The following DLX6 variants were observed in gnomAD, a reference collection of about 807,000 sequenced individuals.
DLX6 encodes the protein homeobox protein DLX-6.
Under a neutral mutation model 33.5 loss-of-function variants are expected in DLX6, and 4 were observed. The ratio of observed to expected loss-of-function variants is 0.12; its 90% CI spans 0.06 to 0.27. The LOEUF is 0.27. Ranked by LOEUF, DLX6 falls within the 10% of genes least tolerant of loss-of-function variation. DLX6 has a pLI of 1.00. For missense variants in DLX6, 382 were observed against 393.3 expected (o/e 0.97, Z 0.24); for synonymous variants, 184 against 164.8 (o/e 1.12, Z -0.89).
In DLX6 at chr7:97,007,722, A is replaced by T; in HGVS notation, c.521A>T (p.Tyr174Phe). 1 of 1,612,694 alleles carries T rather than the reference A, an allele frequency of 6.2e-7. No homozygotes were observed. Among genetic ancestry groups the T allele is most frequent in the Non-Finnish European group, 8.5e-7 (1 of 1,179,350 alleles). ...AAGATTCGGAAGCCTCGGACCATTT[A>T]TTCCAGCCTGCAGCTCCAGGCTTTA... ...GKKIRKPRTI[Y>F]SSLQLQALNH... The change falls in exon 2 of 3, where the codon TAT (tyrosine) becomes TTT (phenylalanine). Residue 174 changes from tyrosine (Y) to phenylalanine (F), a missense_variant. This residue lies in a region of DLX6 where 25 missense variants were observed against 51.9 expected (regional missense o/e 0.48). Coordinates refer to ENST00000518156, the MANE Select transcript of DLX6 (RefSeq NM_005222.4).
chr7:97,010,193 C>CCCCT lies in DLX6; in HGVS notation c.*147_*148insCCTC, dbSNP rs1554340930. On this transcript the variant is annotated 3_prime_UTR_variant, in exon 3 of 3. Coordinates refer to ENST00000518156, the MANE Select transcript of DLX6 (RefSeq NM_005222.4). ...AAGCCGACTAGGCTCATTCTCTCTC[C>CCCCT]CTCTCTCTCTCTCTCCCTCTCCTTT... 3 of 733,884 alleles carry CCCCT rather than the reference C, an allele frequency of 4.1e-6. No homozygotes were observed. Among genetic ancestry groups the CCCCT allele is most frequent in the African/African-American group, 3.6e-5 (2 of 55,362 alleles). 45.5% of individuals were successfully genotyped at this position (733,884 alleles called of 1,614,324 possible).
chr7:97,010,005 C>T lies in DLX6; in HGVS notation c.840C>T (p.Ser280=). 6.2e-7 allele frequency: 1 copy of T among 1,606,862 alleles called. No individual in the cohort carries two copies. Among genetic ancestry groups the T allele is most frequent in the African/African-American group, 1.3e-5 (1 of 74,848 alleles). The part of the protein sequence containing the change: ...SYMPGYSHWY[S]SPHQDTMQRP... Reference sequence around the variant, plus strand: ...TGCCTGGCTATTCTCACTGGTACTCCTCTCCACACCAGGACACGATGCAGA... The same window carrying T: ...TGCCTGGCTATTCTCACTGGTACTCTTCTCCACACCAGGACACGATGCAGA... The change falls in exon 3 of 3, where the codon TCC becomes TCT. Residue 280 remains serine (S), a synonymous_variant. Transcript: ENST00000518156.
At chr7:97,006,687 G>C (rs1247785959) in intron 1 of DLX6, 2 of 168,238 alleles carry the variant, frequency 1.2e-5, no homozygotes, top group African/African-American at 4.8e-5. Context: ...CGACGAGTTA[G>C]TCCACACTGC....
chr7:97,009,933 C>T lies in DLX6; in HGVS notation c.768C>T (p.Asp256=), dbSNP rs769967866. Residue 256 remains aspartate (D), a synonymous_variant, in exon 3 of 3, where the codon GAC becomes GAT. Coordinates refer to ENST00000518156, the MANE Select transcript of DLX6 (RefSeq NM_005222.4). ...CGCCAGCGCTGCCTCCAGTCTGGGA[C>T]GTTTCTGCCTCGGCCAAGGGTGTCA... The part of the protein sequence containing the change: ...PRSPALPPVW[D]VSASAKGVSM... 19 of 1,613,868 alleles carry T rather than the reference C, an allele frequency of 1.2e-5. No homozygotes were observed. The highest frequency in any genetic ancestry group is 5.0e-5 in the Admixed American group (3 of 60,010).
Position 97,006,242 on chromosome 7 carries a change from C to T in DLX6, c.265C>T (p.His89Tyr). ...AAAAAGSHHHHHHQHHHHGSP... is the reference protein window; with the variant it reads ...AAAAAGSHHHYHHQHHHHGSP... ...GGCAGCGGCCGGCTCGCACCACCAC[C>T]ACCACCACCAGCACCACCACCACGG... Residue 89 changes from histidine to tyrosine, a missense_variant, in exon 1 of 3, where the codon CAC (histidine) becomes TAC (tyrosine). His to Tyr is a moderately conservative substitution (Grantham distance 83). This residue lies in a region of DLX6 where 257 missense variants were observed against 206.9 expected (regional missense o/e 1.24). Coordinates refer to ENST00000518156, the MANE Select transcript of DLX6 (RefSeq NM_005222.4). 6.6e-7 allele frequency: 1 copy of T among 1,520,910 alleles called. No homozygotes were observed. 94.2% of individuals were successfully genotyped at this position (1,520,910 alleles called of 1,614,324 possible).
chr7:97,006,025 G>A lies in DLX6; in HGVS notation c.48G>A (p.Ser16=), dbSNP rs754850025. ...CTGACGGCTTGGAAGGCCAGGACTC[G>A]TCCAAATCCGCCTTCATGGAGTTCG... is the stretch of plus-strand genomic sequence containing the variant. ...TMADGLEGQD[S]SKSAFMEFGQ... is the part of the protein sequence containing the mutation. Residue 16 remains serine (S), a synonymous_variant, in exon 1 of 3, where the codon TCG becomes TCA. Coordinates refer to ENST00000518156, the MANE Select transcript of DLX6 (RefSeq NM_005222.4). 1.3e-5 allele frequency: 20 copies of A among 1,596,694 alleles called. No individual in the cohort carries two copies. The highest frequency in any genetic ancestry group is 1.5e-5 in the Non-Finnish European group (18 of 1,172,386).
chr7:97,007,172 T>G, intron 1 of DLX6: 1 of 299,376 alleles, frequency 3.3e-6, no homozygotes, highest in Non-Finnish European at 6.2e-6. Flanking sequence ...GGAGAGTCAT[T>G]TCAAAACATG....
rs1486780792 is a variant in DLX6, at chr7:97,009,984, T to G, written c.819T>G (p.Pro273=). 6.2e-7 allele frequency: 1 copy of G among 1,611,916 alleles called. No individual in the cohort carries two copies. The highest frequency in any genetic ancestry group is 8.5e-7 in the Non-Finnish European group (1 of 1,178,984). The part of the protein sequence containing the change: ...GVSMPPNSYM[P]GYSHWYSSPH... ...GTATGCCCCCCAACAGCTACATGCC[T>G]GGCTATTCTCACTGGTACTCCTCTC... The change falls in exon 3 of 3, where the codon CCT becomes CCG. Residue 273 remains proline (P), a synonymous_variant. Transcript: ENST00000518156.
Position 97,006,050 on chromosome 7 carries a change from G to GGGCAGCAGCAGCAGC in DLX6, c.74_88dup (p.Gln29_Gln30insArgGlnGlnGlnGln), listed in dbSNP as rs1789707664. The GGGCAGCAGCAGCAGC allele has an allele frequency of 6.3e-7, 1 of 1,587,232 alleles. No homozygotes were observed. Among genetic ancestry groups the GGGCAGCAGCAGCAGC allele is most frequent in the South Asian group, 1.1e-5 (1 of 87,232 alleles). ...GTCCAAATCCGCCTTCATGGAGTTC[G>GGGCAGCAGCAGCAGC]GGCAGCAGCAGCAGCAGCAGCAGCA... On this transcript the variant is annotated inframe_insertion, in exon 1 of 3. Coordinates refer to ENST00000518156, the MANE Select transcript of DLX6 (RefSeq NM_005222.4).
rs368469391 is a variant in DLX6, at chr7:97,010,076, G to A, written c.*29G>A. The A allele has an allele frequency of 7.1e-5, 111 of 1,562,378 alleles. 1 individual carries two copies. Among genetic ancestry groups the A allele is most frequent in the Non-Finnish European group, 9.2e-5 (106 of 1,152,440 alleles). ...GCCCAAGGGAACACCCTAGGGAAAC[G>A]TCTGAACAAGGAAAAGAGGATCCGG... On this transcript the variant is annotated 3_prime_UTR_variant, in exon 3 of 3. Transcript: ENST00000518156.
rs941957962 is a variant in DLX6 at position 97,010,200 on chromosome 7, C to A, written c.*153C>A. On this transcript the variant is annotated 3_prime_UTR_variant, in exon 3 of 3. Transcript: ENST00000518156. ...CTAGGCTCATTCTCTCTCCCTCTCT[C>A]TCTCTCTCCCTCTCCTTTCTTTTTA... is the stretch of plus-strand genomic sequence containing the variant. 15 of 734,244 alleles carry A rather than the reference C, an allele frequency of 2.0e-5. No homozygotes were observed. In the African/African-American group the frequency reaches 2.7e-4, roughly 13 times the overall value. The allele number at this position is 734,244 out of a possible 1,614,324, so 45.5% of individuals were successfully genotyped here.
chr7:97,010,071 G>T lies in DLX6; in HGVS notation c.*24G>T. On this transcript the variant is annotated 3_prime_UTR_variant, in exon 3 of 3. Coordinates refer to ENST00000518156, the MANE Select transcript of DLX6 (RefSeq NM_005222.4). ...GAGTTGCCCAAGGGAACACCCTAGG[G>T]AAACGTCTGAACAAGGAAAAGAGGA... 1 of 1,566,610 alleles carries T rather than the reference G, an allele frequency of 6.4e-7. No homozygotes were observed. Among genetic ancestry groups the T allele is most frequent in the Middle Eastern group, 1.7e-4 (1 of 6,002 alleles).
chr7:97,007,865 G>C (rs774556434), intron 2 of DLX6, 34 bp downstream of exon 2: 5 of 1,527,560 alleles, frequency 3.3e-6, no homozygotes, highest in Non-Finnish European at 3.5e-6. Context: ...TCCCTGAAAT[G>C]CTGGTACCGC....
In DLX6 at chr7:97,010,068, A is replaced by AG. The variant is rs1405211480; in HGVS notation, c.*24dup. On this transcript the variant is annotated 3_prime_UTR_variant, in exon 3 of 3. Transcript: ENST00000518156. ...TGTGAGTTGCCCAAGGGAACACCCT[A>AG]GGGAAACGTCTGAACAAGGAAAAGA... The AG allele has an allele frequency of 6.4e-7, 1 of 1,570,762 alleles. No individual in the cohort carries two copies. The highest frequency in any genetic ancestry group is 1.9e-5 in the Admixed American group (1 of 53,070).
At position 97,009,925 on chromosome 7, in the gene DLX6, G is replaced by C. The variant is rs567341724; in HGVS notation, c.760G>C (p.Val254Leu). The change falls in exon 3 of 3, where the codon GTC becomes CTC. Residue 254 changes from valine (V) to leucine (L), a missense_variant. Transcript: ENST00000518156. ...LSPRSPALPPVWDVSASAKGV... is the reference protein window; with the variant it reads ...LSPRSPALPPLWDVSASAKGV... Reference sequence around the variant, plus strand: ...GCCACGCTCGCCAGCGCTGCCTCCAGTCTGGGACGTTTCTGCCTCGGCCAA... The same window carrying C: ...GCCACGCTCGCCAGCGCTGCCTCCACTCTGGGACGTTTCTGCCTCGGCCAA... The C allele has an allele frequency of 1.9e-6, 3 of 1,613,970 alleles. No individual in the cohort carries two copies. The highest frequency in any genetic ancestry group is 1.7e-5 in the Admixed American group (1 of 60,022).
Position 97,009,958 on chromosome 7 carries a change from A to G in DLX6, c.793A>G (p.Ser265Gly). 2 of 1,613,782 alleles carry G rather than the reference A, an allele frequency of 1.2e-6. No homozygotes were observed. Among genetic ancestry groups the G allele is most frequent in the Non-Finnish European group, 1.7e-6 (2 of 1,179,784 alleles). Residue 265 changes from serine to glycine, a missense_variant, in exon 3 of 3, where the codon AGT becomes GGT. Physicochemically the swap from Ser to Gly is moderately conservative, Grantham distance 56 (BLOSUM62 0). Transcript: ENST00000518156. The part of the protein sequence containing the change: ...WDVSASAKGV[S>G]MPPNSYMPGY... ...CGTTTCTGCCTCGGCCAAGGGTGTC[A>G]GTATGCCCCCCAACAGCTACATGCC...
chr7:97,007,892 G>GGC, intron 2 of DLX6, 61 bp downstream of exon 2: 1 of 1,459,300 alleles, frequency 6.9e-7, no homozygotes, highest in African/African-American at 1.4e-5. Flanking sequence ...ATCGGGCAGG[G>GGC]AGCACATCAG....
In DLX6 at chr7:97,006,108, A is replaced by AGCCGCCGCCGCC. The variant is rs559903070; in HGVS notation, c.149_160dup (p.Pro50_Pro53dup). The AGCCGCCGCCGCC allele has an allele frequency of 1.1e-4, 159 of 1,502,076 alleles. 1 individual carries two copies. The highest frequency in any genetic ancestry group is 1.7e-4 in the Middle Eastern group (1 of 5,780). The allele number at this position is 1,502,076 out of a possible 1,614,324, so 93.0% of individuals were successfully genotyped here. On this transcript the variant is annotated inframe_insertion, in exon 1 of 3. Coordinates refer to ENST00000518156, the MANE Select transcript of DLX6 (RefSeq NM_005222.4). ...CAGCAGCAGCAGCAGCAACAGCAACAGCCGCCGCCGCCGCCGCCGCCGCCG... is the reference window on the plus strand; with the variant it reads ...CAGCAGCAGCAGCAGCAACAGCAACAGCCGCCGCCGCCGCCGCCGCCGCCGCCGCCGCCGCCG...
chr7:97,006,145 C>G lies in DLX6; in HGVS notation c.168C>G (p.His56Gln), dbSNP rs1261871364. Residue 56 changes from histidine to glutamine, a missense_variant, in exon 1 of 3, where the codon CAC becomes CAG. His to Gln is a conservative substitution (Grantham distance 24). Transcript: ENST00000518156. ...CGCCGCCGCCGCCGCCGCAGCCGCA[C>G]TCGCAGCAGAGCTCCCCGGCCATGG... ...PPPPPPPPQP[H>Q]SQQSSPAMAG... 6.5e-7 allele frequency: 1 copy of G among 1,539,860 alleles called. No individual in the cohort carries two copies. The highest frequency in any genetic ancestry group is 8.8e-7 in the Non-Finnish European group (1 of 1,138,658).
Sources: gnomAD v4.1 joint callset for allele counts on GRCh38, gnomAD v4.1.1 for gene constraint, gnomAD v4.1.1 regional missense constraint, MANE v1.5 for transcripts, NCBI Gene and HGNC (gene_info 2026-07-23, HGNC 2026-07-21) for gene names.